DAPK2: variants seen among roughly 807,000 people sequenced by gnomAD.
DAPK2 encodes death-associated protein kinase 2.
A neutral mutation model predicts 44.1 loss-of-function variants in DAPK2; 35 were observed. The ratio of observed to expected loss-of-function variants is 0.79; its 90% CI spans 0.61 to 1.05. The LOEUF (loss-of-function observed/expected upper bound fraction) is 1.05. Ranked by LOEUF, DAPK2 falls within the 50% of genes least tolerant of loss-of-function variation. The pLI, the probability that DAPK2 is intolerant of heterozygous loss-of-function variation, is 0.00. For synonymous variants in DAPK2, 174 were observed against 182.6 expected, an observed-to-expected ratio of 0.95 and a Z score of 0.38; for missense variants, 453 against 483.2, an observed-to-expected ratio of 0.94 and a Z score of 0.59.
intron 2 of DAPK2, among the ~76,000 whole-genome samples, chr15:63,977,989 G>A (rs12901218): frequency 0.75 from 114,180 of 152,102 alleles, 45,135 homozygotes; most frequent in East Asian, 0.97. Context: ...CTGCATCCAC[G>A]CTCTCCTCAC....
intron 1 of DAPK2, among the ~76,000 whole-genome samples, chr15:64,029,019 G>A (rs1177762588): frequency 6.6e-6 from 1 of 151,944 alleles, no homozygotes; most frequent in Non-Finnish European, 1.5e-5. Context: ...ACAACATGGA[G>A]TCAAAAAACA....
intron 1 of DAPK2, among the ~76,000 whole-genome samples, chr15:64,007,661 T>C (rs2079271491): frequency 6.6e-6 from 1 of 152,236 alleles, no homozygotes; most frequent in South Asian, 2.1e-4. Flanking sequence ...TATAAAATTC[T>C]GCATAAGGGA....
In DAPK2 at chr15:64,033,131, A is replaced by G. The variant is rs562953545; in HGVS notation, c.92+7039T>C. On this transcript the variant is annotated intron_variant, in intron 1 of 10. Transcript: ENST00000261891. The stretch of plus-strand genomic sequence containing the variant: ...ATAAATTAGCTGGGCATGGTGGCAC[A>G]TGCCTGTGGTTCCAGCTACTTGGAA... 1.7e-4 allele frequency among the ~76,000 whole-genome samples: 26 copies of G among 152,030 alleles called. No homozygotes were observed. In the East Asian group the frequency reaches 4.8e-3, roughly 28 times the overall value.
chr15:63,938,066 T>A (rs1297057622), intron 4 of DAPK2, among the ~76,000 whole-genome samples: 1 of 152,216 alleles, frequency 6.6e-6, no homozygotes, highest in Non-Finnish European at 1.5e-5. Flanking sequence ...CATCTCCACG[T>A]GTGTTAAACT....
chr15:64,011,147 T>C (rs980310017), intron 1 of DAPK2, among the ~76,000 whole-genome samples: 1 of 151,934 alleles, frequency 6.6e-6, no homozygotes, highest in Non-Finnish European at 1.5e-5. Flanking sequence ...CAGGTTGGAG[T>C]GGAAAAAACA....
In DAPK2 at chr15:63,939,128, A is replaced by G. The variant is rs1436772269; in HGVS notation, c.583+104T>C. The G allele has an allele frequency of 1.4e-5, 22 of 1,532,884 alleles. No individual in the cohort carries two copies. Among genetic ancestry groups the G allele is most frequent in the Non-Finnish European group, 1.8e-5 (21 of 1,142,676 alleles). 95.0% of individuals were successfully genotyped at this position (1,532,884 alleles called of 1,614,324 possible). A position where few individuals can be genotyped will look rare whatever the true frequency, so the allele number is the denominator to read the frequency against. On this transcript the variant is annotated intron_variant, in intron 4 of 10. Coordinates refer to ENST00000261891, the Ensembl canonical transcript of DAPK2. The surrounding 1 kb of genome is among the most constrained non-coding windows in gnomAD (Gnocchi z 4.3). ...GTTTCTAGAGATGTCCCAATGCATC[A>G]TCTCTTTGCTCAGAGGCCATAGCCC...
chr15:63,914,406 C>G (rs2078873476), intron 8 of DAPK2, among the ~76,000 whole-genome samples: 1 of 152,166 alleles, frequency 6.6e-6, no homozygotes, highest in Admixed American at 6.5e-5. Flanking sequence ...GAGAAAAGGA[C>G]AAGGCTGCCG....
rs974939233 is a variant in DAPK2 at position 63,925,688 on chromosome 15, A to G, written c.812+253T>C. Reference sequence around the variant, plus strand: ...AGGCTGACTTGTAGCGCACACACACACACACACACACACACACACACACAC... The same window carrying G: ...AGGCTGACTTGTAGCGCACACACACGCACACACACACACACACACACACAC... On this transcript the variant is annotated intron_variant, in intron 7 of 10. Transcript: ENST00000261891. 2.9e-3 allele frequency among the ~76,000 whole-genome samples: 420 copies of G among 143,178 alleles called. 4 individuals are homozygous for G. The highest frequency in any genetic ancestry group is 0.026 in the South Asian group (124 of 4,722). 93.9% of individuals were successfully genotyped at this position (143,178 alleles called of 152,430 possible). A position where few individuals can be genotyped will look rare whatever the true frequency, so the allele number is the denominator to read the frequency against.
intron 2 of DAPK2, among the ~76,000 whole-genome samples, chr15:63,981,154 T>C (rs1351668415): frequency 1.3e-5 from 2 of 151,256 alleles, no homozygotes; most frequent in East Asian, 1.9e-4. Flanking sequence ...GATTAATCCA[T>C]TCATGCATTA....
chr15:63,907,450 C>T, exon 11 of DAPK2: 1 of 151,676 alleles, frequency 6.6e-6, no homozygotes, highest in East Asian at 1.9e-4. Context: ...GATATGGTCT[C>T]TCTCTGTCAC....
At chr15:64,016,870 A>T (rs900915615) in intron 1 of DAPK2, among the ~76,000 whole-genome samples, 1 of 150,314 alleles carries the variant, frequency 6.7e-6, no homozygotes, top group African/African-American at 2.4e-5. Flanking sequence ...GAAGGAAGGA[A>T]GGAAGGAAGG....
chr15:64,046,391 A>AGCGGCGGGCGCGGCGGG (rs2080469314), upstream of DAPK2: 2 of 219,668 alleles, frequency 9.1e-6, no homozygotes, highest in African/African-American at 5.6e-5. The surrounding 1 kb of genome is among the most constrained non-coding windows in gnomAD (Gnocchi z 5.3). Flanking sequence ...GCGCGGCGGG[A>AGCGGCGGGCGCGGCGGG]ACGGGGGACG....
In DAPK2 at chr15:63,936,810, C is replaced by T. The variant is rs188516355; in HGVS notation, c.583+2422G>A. The stretch of plus-strand genomic sequence containing the variant: ...GCCTGGGCAATATAGTGAGACCCCA[C>T]CTCAAAAAAATTTTTAAAAAATTGC... On this transcript the variant is annotated intron_variant, in intron 4 of 10. Coordinates refer to ENST00000261891, the Ensembl canonical transcript of DAPK2. Among the ~76,000 whole-genome samples the T allele has an allele frequency of 2.1e-3, 316 of 151,398 alleles. 1 individual carries two copies. The highest frequency in any genetic ancestry group is 2.7e-3 in the Non-Finnish European group (182 of 67,838).
chr15:63,992,640 T>A (rs2078850673), intron 1 of DAPK2, among the ~76,000 whole-genome samples: 1 of 152,104 alleles, frequency 6.6e-6, no homozygotes, highest in Non-Finnish European at 1.5e-5. Context: ...TCACCTTCAC[T>A]CCCTCCCTAT....
At chr15:63,973,360 G>T (rs1304464667) in intron 2 of DAPK2, among the ~76,000 whole-genome samples, 1 of 152,228 alleles carries the variant, frequency 6.6e-6, no homozygotes, top group Non-Finnish European at 1.5e-5. Flanking sequence ...GCTCAAAGCT[G>T]CAGGGGCAAG....
At chr15:63,929,601 T>C in intron 5 of DAPK2, 24 bp from the exon 7 acceptor site, 1 of 1,613,888 alleles carries the variant, frequency 6.2e-7, no homozygotes. Flanking sequence ...AACAGTCAAG[T>C]CAGGGCCACC....
Position 63,990,383 on chromosome 15 carries a change from G to A in DAPK2, c.93-6629C>T, listed in dbSNP as rs540905706. Among the ~76,000 whole-genome samples the A allele has an allele frequency of 2.7e-4, 41 of 151,482 alleles. No individual in the cohort carries two copies. The highest frequency in any genetic ancestry group is 3.4e-3 in the Middle Eastern group (1 of 294). ...GTGGAGGTTGCAGTGAGCTGAGATCGCACCGCTGCACTCCAGCCTGGGTGA... is the reference window on the plus strand; with the variant it reads ...GTGGAGGTTGCAGTGAGCTGAGATCACACCGCTGCACTCCAGCCTGGGTGA... On this transcript the variant is annotated intron_variant, in intron 1 of 10. Transcript: ENST00000261891. This position sits in a 1 kb window ranked among gnomAD's most constrained non-coding sequence, Gnocchi z 4.3.
chr15:63,948,268 C>A (rs900408930), intron 3 of DAPK2, among the ~76,000 whole-genome samples: 1 of 10,038 alleles, frequency 1.0e-4, no homozygotes. Context: ...GAGACTCCAT[C>A]TCAAAAAAAA....
exon 10 of DAPK2, chr15:63,911,952 G>A (rs760077260): frequency 1.3e-4 from 209 of 1,613,848 alleles, no homozygotes; most frequent in Non-Finnish European, 1.7e-4. Context: ...ATCAGCGAGC[G>A]GGTGAGGTGG....
Sources: allele counts gnomAD v4.1 joint callset (sites outside exome capture counted in the v4.1 genomes callset), GRCh38; gene constraint gnomAD v4.1.1; non-coding constraint Gnocchi (gnomAD v3.1); transcripts MANE v1.5; gene names NCBI Gene and HGNC (gene_info 2026-07-23, HGNC 2026-07-21).